Variants in TLE4 observed in about 807,000 individuals in gnomAD.
TLE4 encodes the protein transducin-like enhancer protein 4.
TLE4 carries 8 observed loss-of-function variants against 92.8 expected under a neutral mutation model. The ratio of observed to expected loss-of-function variants is 0.09; its 90% CI spans 0.05 to 0.16. The LOEUF (loss-of-function observed/expected upper bound fraction) is 0.16. Among genes scored for constraint, TLE4 ranks in the 10% least tolerant of loss-of-function variants. TLE4 has a pLI of 1.00. For missense variants in TLE4, 675 were observed against 997.6 expected (o/e 0.68, Z 4.36); for synonymous variants, 371 against 374.1 (o/e 0.99, Z 0.10).
chr9:79,692,301 T>C (rs1415699266), intron 8 of TLE4, among the ~76,000 whole-genome samples: 1 of 151,828 alleles, frequency 6.6e-6, no homozygotes, highest in Non-Finnish European at 1.5e-5. Flanking sequence ...GACTTTGGAA[T>C]GTGCTGTCTG....
In TLE4 at chr9:79,573,309, C is replaced by T. The variant is rs1480713002; in HGVS notation, c.46-380C>T. Reference sequence around the variant, plus strand: ...GGTGGCGGCCGCCTCCCTCCTCCCCCGGCCTGACCGCAGCCCGACGCCATG... The same window carrying T: ...GGTGGCGGCCGCCTCCCTCCTCCCCTGGCCTGACCGCAGCCCGACGCCATG... On this transcript the variant is annotated intron_variant, in intron 1 of 19. Coordinates refer to ENST00000376552, the MANE Select transcript of TLE4 (RefSeq NM_007005.6). The T allele has an allele frequency of 9.6e-6, 10 of 1,044,288 alleles. 1 individual carries two copies. The highest frequency in any genetic ancestry group is 6.2e-4 in the Middle Eastern group (2 of 3,238). 64.7% of individuals were successfully genotyped at this position (1,044,288 alleles called of 1,614,324 possible). A position where few individuals can be genotyped will look rare whatever the true frequency, so the allele number is the denominator to read the frequency against.
At chr9:79,628,075 A>G (rs2053125727) in intron 6 of TLE4, among the ~76,000 whole-genome samples, 1 of 152,066 alleles carries the variant, frequency 6.6e-6, no homozygotes, top group South Asian at 2.1e-4. Context: ...CTGCTTATAT[A>G]TGTATGTTTT....
intron 8 of TLE4, chr9:79,663,391 G>T (rs768214400): frequency 8.5e-5 from 13 of 152,142 alleles, no homozygotes; most frequent in African/African-American, 2.4e-5. Flanking sequence ...AGTTATATTA[G>T]CCACATATCG....
At chr9:79,573,411 C>G in intron 1 of TLE4, 1 of 1,203,686 alleles carries the variant, frequency 8.3e-7, no homozygotes, top group Non-Finnish European at 1.1e-6. Flanking sequence ...CCCTGGGTGC[C>G]TGTCTTTGGC....
chr9:79,706,936 C>G (rs776821834), intron 11 of TLE4, 37 bp downstream of exon 11: 8 of 1,596,048 alleles, frequency 5.0e-6, no homozygotes, highest in Non-Finnish European at 6.8e-6. Flanking sequence ...AGTGTGGCCT[C>G]TGCCAATTTG....
chr9:79,721,430 G>A (rs2075624772), intron 16 of TLE4, among the ~76,000 whole-genome samples: 1 of 152,148 alleles, frequency 6.6e-6, no homozygotes, highest in African/African-American at 2.4e-5. Context: ...TTTAGTTAGT[G>A]CATATATGTG....
intron 4 of TLE4, among the ~76,000 whole-genome samples, chr9:79,595,256 T>A (rs2043661849): frequency 6.6e-6 from 1 of 152,130 alleles, no homozygotes; most frequent in Non-Finnish European, 1.5e-5. Context: ...GAAATTATAG[T>A]TTGCGATTGG....
chr9:79,700,734 T>A (rs1325323277), intron 8 of TLE4, among the ~76,000 whole-genome samples: 1 of 152,206 alleles, frequency 6.6e-6, no homozygotes, highest in Non-Finnish European at 1.5e-5. Context: ...GTGTTTACTT[T>A]TAAAATCCAG....
At chr9:79,680,979 A>C (rs1014166481) in intron 8 of TLE4, among the ~76,000 whole-genome samples, 4 of 152,120 alleles carry the variant, frequency 2.6e-5, no homozygotes, top group African/African-American at 7.2e-5. Context: ...GATGAAGCCC[A>C]CTTGATCATG....
intron 19 of TLE4, among the ~76,000 whole-genome samples, chr9:79,723,782 G>A (rs1053609722): frequency 9.9e-5 from 15 of 152,262 alleles, no homozygotes; most frequent in Admixed American, 7.8e-4. Flanking sequence ...TAGTATGCAA[G>A]ATAATCAGTA....
At chr9:79,674,473 G>A (rs1019281495) in intron 8 of TLE4, among the ~76,000 whole-genome samples, 1 of 152,142 alleles carries the variant, frequency 6.6e-6, no homozygotes, top group African/African-American at 2.4e-5. Context: ...CTTACTTGAT[G>A]TAGGCAAAAT....
At chr9:79,697,994 G>C (rs1349461635) in intron 8 of TLE4, among the ~76,000 whole-genome samples, 1 of 152,144 alleles carries the variant, frequency 6.6e-6, no homozygotes, top group East Asian at 1.9e-4. Context: ...TCCATAAGCA[G>C]ACAAAAAATA....
intron 4 of TLE4, among the ~76,000 whole-genome samples, chr9:79,579,096 A>G (rs560823473): frequency 1.3e-5 from 2 of 152,350 alleles, no homozygotes; most frequent in Non-Finnish European, 2.9e-5. Flanking sequence ...GGAATTTTTA[A>G]AAATGAAAGA....
chr9:79,592,237 C>CTTCTTCT (rs2042845039), intron 4 of TLE4, among the ~76,000 whole-genome samples: 1 of 132,608 alleles, frequency 7.5e-6, no homozygotes, highest in Admixed American at 7.9e-5. Flanking sequence ...CTTCTTCTTC[C>CTTCTTCT]TTCTGCTTCT....
intron 8 of TLE4, among the ~76,000 whole-genome samples, chr9:79,659,532 C>T (rs937347537): frequency 1.1e-4 from 17 of 151,990 alleles, no homozygotes; most frequent in African/African-American, 3.9e-4. Context: ...AAATGAGATT[C>T]GAATAGGATT....
In TLE4 at chr9:79,704,772, T is replaced by C. The variant is rs904986797; in HGVS notation, c.610-11T>C. On this transcript the variant is annotated splice_polypyrimidine_tract_variant and intron_variant, in intron 8 of 19. Transcript: ENST00000376552. ...ATTTCTCAACCATGCTTCCTCTCCT[T>C]CTAATTCCAGAGCTCTTCAGTATCC... 1 of 1,606,044 alleles carries C rather than the reference T, an allele frequency of 6.2e-7. No homozygotes were observed. Among genetic ancestry groups the C allele is most frequent in the Admixed American group, 1.7e-5 (1 of 57,732 alleles).
chr9:79,668,694 G>A (rs572901720), intron 8 of TLE4: 37 of 335,700 alleles, frequency 1.1e-4, no homozygotes, highest in Non-Finnish European at 1.5e-4. Context: ...CAGGCATGAC[G>A]TTGAGGTGGG....
intron 8 of TLE4, among the ~76,000 whole-genome samples, chr9:79,656,824 G>A (rs753411204): frequency 3.3e-5 from 5 of 152,170 alleles, no homozygotes; most frequent in Non-Finnish European, 7.3e-5. Context: ...AAAGATTTAA[G>A]TAATTTAGGT....
At chr9:79,699,911 AT>A (rs1332982859) in intron 8 of TLE4, among the ~76,000 whole-genome samples, 3 of 152,186 alleles carry the variant, frequency 2.0e-5, no homozygotes, top group African/African-American at 4.8e-5. Context: ...AAACCCTATA[AT>A]TATGGGGCAT....
Sources: gnomAD v4.1 joint callset for allele counts (sites outside exome capture counted in the v4.1 genomes callset) on GRCh38, gnomAD v4.1.1 for gene constraint, MANE v1.5 for transcripts, NCBI Gene and HGNC (gene_info 2026-07-23, HGNC 2026-07-21) for gene names.